The following KLHL3 variants were observed in gnomAD, a reference collection of about 807,000 sequenced individuals.
KLHL3 encodes kelch-like protein 3.
In KLHL3, 19 loss-of-function variants were observed where a neutral mutation model predicts 70.5. That is an observed-to-expected ratio of 0.27 (90% CI 0.19 to 0.40). The LOEUF (loss-of-function observed/expected upper bound fraction) is 0.40, where lower values mean the gene tolerates loss of function less well. KLHL3 is among the 10% of genes least tolerant of loss of function. The pLI, the probability that KLHL3 is intolerant of heterozygous loss-of-function variation, is 1.00. For synonymous variants in KLHL3, 258 were observed against 290.3 expected (o/e 0.89, Z 1.13); for missense variants, 512 against 771.1 (o/e 0.66, Z 3.98).
intron 2 of KLHL3, among the ~76,000 whole-genome samples, chr5:137,715,817 C>T (rs953477720): frequency 3.9e-4 from 59 of 152,184 alleles, no homozygotes; most frequent in African/African-American, 1.4e-3. Flanking sequence ...AAGTATTCAA[C>T]AACAGTAATA....
chr5:137,704,162 G>A (rs546707996), intron 3 of KLHL3, among the ~76,000 whole-genome samples: 2 of 152,226 alleles, frequency 1.3e-5, no homozygotes, highest in African/African-American at 4.8e-5. Context: ...GAGGCGGGTG[G>A]ATCATGAGGT....
In KLHL3 at chr5:137,692,324, T is replaced by G. The variant is rs775150548; in HGVS notation, c.487A>C (p.Thr163Pro). Residue 163 changes from threonine to proline, a missense_variant, in exon 5 of 15, where the codon ACC (threonine) becomes CCC (proline). Physicochemically the swap from Thr to Pro is conservative, Grantham distance 38. Transcript: ENST00000309755. ...GCCTGCTGCAGAAGGTCAGTGCAGG[T>G]GTGTACATCTGCAAATGCACGGATG... ...LGIRAFADVH[T>P]CTDLLQQANA... 6.2e-7 allele frequency: 1 copy of G among 1,613,346 alleles called. No individual in the cohort carries two copies. The highest frequency in any genetic ancestry group is 1.1e-5 in the South Asian group (1 of 91,008).
chr5:137,625,757 A>G lies in KLHL3; in HGVS notation c.1731T>C (p.Tyr577=), dbSNP rs778059112. The change falls in exon 14 of 15, where the codon TAT becomes TAC. Residue 577 remains tyrosine (Y), a synonymous_variant. Transcript: ENST00000309755. ...ATGGAGATGGCACACACTGACCTGCATAGCTCCGCCCCGTGCTCATGTTCG... is the reference window on the plus strand; with the variant it reads ...ATGGAGATGGCACACACTGACCTGCGTAGCTCCGCCCCGTGCTCATGTTCG... The part of the protein sequence containing the change: ...LPTNMSTGRS[Y]AGVAVIHKSL 7.4e-6 allele frequency: 12 copies of G among 1,614,042 alleles called. No individual in the cohort carries two copies. In the Admixed American group the frequency reaches 1.8e-4, roughly 25 times the overall value.
intron 6 of KLHL3, among the ~76,000 whole-genome samples, chr5:137,662,279 A>T (rs1275886489): frequency 6.6e-6 from 1 of 150,392 alleles, no homozygotes; most frequent in Admixed American, 6.6e-5. Context: ...ACACACACAC[A>T]CACACAAGGA....
intron 4 of KLHL3, among the ~76,000 whole-genome samples, chr5:137,697,785 A>C (rs761924209): frequency 1.3e-5 from 2 of 152,224 alleles, no homozygotes; most frequent in Non-Finnish European, 2.9e-5. Context: ...TACAGGAAAA[A>C]AAAGTTATTA....
At chr5:137,725,596 G>A (rs1466258066) in intron 1 of KLHL3, among the ~76,000 whole-genome samples, 1 of 152,230 alleles carries the variant, frequency 6.6e-6, no homozygotes, top group African/African-American at 2.4e-5. Flanking sequence ...TAGTGAGAAA[G>A]TATGGGCCAG....
chr5:137,659,848 C>T (rs1051846839), intron 7 of KLHL3, among the ~76,000 whole-genome samples: 2 of 152,128 alleles, frequency 1.3e-5, no homozygotes, highest in Non-Finnish European at 2.9e-5. Context: ...ATGTAATAAA[C>T]ATTTTATCAC....
Position 137,677,643 on chromosome 5 carries a change from G to A in KLHL3, c.538C>T (p.Pro180Ser). 6.3e-7 allele frequency: 1 copy of A among 1,587,786 alleles called. No individual in the cohort carries two copies. The highest frequency in any genetic ancestry group is 8.6e-7 in the Non-Finnish European group (1 of 1,164,448). ...QANAYAEQHF[P>S]EVMLGEEFLS... Reference sequence around the variant, plus strand: ...AATTCTTCTCCTAGCATCACCTCTGGAAAGTGCTGCTCTGTTCCAAAAAAA... The same window carrying A: ...AATTCTTCTCCTAGCATCACCTCTGAAAAGTGCTGCTCTGTTCCAAAAAAA... Residue 180 changes from proline (P) to serine (S), a missense_variant, in exon 6 of 15, where the codon CCA becomes TCA. Transcript: ENST00000309755.
chr5:137,717,179 C>A (rs749560533), intron 2 of KLHL3, among the ~76,000 whole-genome samples: 5 of 152,326 alleles, frequency 3.3e-5, no homozygotes, highest in East Asian at 1.9e-4. Flanking sequence ...AAAAGACTTA[C>A]AGCCAATTTA....
intron 6 of KLHL3, 88 bp downstream of exon 6, chr5:137,677,452 AAAAAG>A (rs1751912149): frequency 1.3e-6 from 1 of 758,602 alleles, no homozygotes; most frequent in South Asian, 1.8e-5. Flanking sequence ...CATCTCAAAA[AAAAAG>A]AAAAGAAAAG....
At chr5:137,720,935 G>A in intron 1 of KLHL3, 1 of 1,020,306 alleles carries the variant, frequency 9.8e-7, no homozygotes, top group Non-Finnish European at 1.2e-6. Context: ...TTTACTGGAG[G>A]CTACTATGTG....
intron 6 of KLHL3, among the ~76,000 whole-genome samples, chr5:137,668,284 C>T (rs992859045): frequency 1.3e-5 from 2 of 152,134 alleles, no homozygotes; most frequent in Non-Finnish European, 2.9e-5. Context: ...GTGGCGCACA[C>T]CTGTGGTCCC....
At chr5:137,713,426 G>A (rs779193098) in intron 2 of KLHL3, among the ~76,000 whole-genome samples, 1 of 152,080 alleles carries the variant, frequency 6.6e-6, no homozygotes, top group East Asian at 1.9e-4. Context: ...TCATTCAACT[G>A]GGAAAAAAAC....
chr5:137,659,684 T>C (rs1039197134), intron 7 of KLHL3, among the ~76,000 whole-genome samples: 1 of 152,150 alleles, frequency 6.6e-6, no homozygotes, highest in Non-Finnish European at 1.5e-5. Flanking sequence ...AATTAAAAGT[T>C]CTCCTGGAAA....
At chr5:137,658,838 G>T (rs974967163) in intron 7 of KLHL3, among the ~76,000 whole-genome samples, 1 of 152,134 alleles carries the variant, frequency 6.6e-6, no homozygotes, top group African/African-American at 2.4e-5. Flanking sequence ...GGCCAGTGAG[G>T]CTCCTTCTAA....
At chr5:137,659,252 A>C (rs1426377942) in intron 7 of KLHL3, among the ~76,000 whole-genome samples, 1 of 152,212 alleles carries the variant, frequency 6.6e-6, no homozygotes, top group Admixed American at 6.5e-5. Context: ...GACCCTGAAG[A>C]ATTCAAGTCC....
chr5:137,719,813 T>G (rs2149934808), intron 2 of KLHL3, among the ~76,000 whole-genome samples: 1 of 152,256 alleles, frequency 6.6e-6, no homozygotes, highest in Non-Finnish European at 1.5e-5. Context: ...AATCTGCAAT[T>G]GTGTGTGGGT....
rs780876320 is a variant in KLHL3, at chr5:137,634,127, G to A, written c.1360C>T (p.Arg454Cys). 21 of 1,613,652 alleles carry A rather than the reference G, an allele frequency of 1.3e-5. No homozygotes were observed. Among genetic ancestry groups the A allele is most frequent in the South Asian group, 3.3e-5 (3 of 91,004 alleles). ...TGCTCCACAGTGCTCAGACACTGGC[G>A]GGAAGCTCCATCATAACCCCCAACA... ...YAVGGYDGAS[R>C]QCLSTVEQYN... The change falls in exon 12 of 15, where the codon CGC (arginine) becomes TGC (cysteine). Residue 454 changes from arginine to cysteine, a missense_variant. Coordinates refer to ENST00000309755, the MANE Select transcript of KLHL3 (RefSeq NM_017415.3).
At chr5:137,735,139 C>G (rs900121177) in intron 1 of KLHL3, among the ~76,000 whole-genome samples, 51 of 152,120 alleles carry the variant, frequency 3.4e-4, no homozygotes, top group Non-Finnish European at 8.8e-5. Context: ...GGCGTGCACG[C>G]GCGCACACAC....
Sources: allele counts gnomAD v4.1 joint callset (sites outside exome capture counted in the v4.1 genomes callset), GRCh38; gene constraint gnomAD v4.1.1; transcripts MANE v1.5; gene names NCBI Gene and HGNC (gene_info 2026-07-23, HGNC 2026-07-21).